Variants in CTNNA3 observed in about 807,000 individuals in gnomAD.
CTNNA3 encodes the protein catenin alpha 3.
A neutral mutation model predicts 95.7 loss-of-function variants in CTNNA3; 76 were observed. The observed-to-expected ratio is 0.79, with a 90% CI of 0.66 to 0.96. The LOEUF (loss-of-function observed/expected upper bound fraction) is 0.96, where lower values mean the gene tolerates loss of function less well. Ranked by LOEUF, CTNNA3 falls within the 40% of genes least tolerant of loss-of-function variation. CTNNA3 has a pLI of 0.00. For missense variants in CTNNA3, 1,191 were observed against 1,089.8 expected (o/e 1.09, Z -1.31); for synonymous variants, 431 against 374.4 (o/e 1.15, Z -1.74).
intron 5 of CTNNA3, among the ~76,000 whole-genome samples, chr10:67,227,665 T>C (rs935710322): frequency 1.3e-5 from 2 of 152,150 alleles, no homozygotes; most frequent in African/African-American, 2.4e-5. Context: ...AAAGGAACAA[T>C]TGATTTAAAT....
Position 65,915,339 on chromosome 10 carries a change from A to G in CTNNA3, c.*4991T>C, listed in dbSNP as rs900427457. The stretch of plus-strand genomic sequence containing the variant: ...ACCACCAAGACAAGTGTCTCATTCT[A>G]TCCTTAATACTTTCCTCAGGAGGGC... On this transcript the variant is annotated 3_prime_UTR_variant, in exon 18 of 18. Transcript: ENST00000433211. 2.0e-5 allele frequency: 3 copies of G among 151,936 alleles called. No individual in the cohort carries two copies. Among genetic ancestry groups the G allele is most frequent in the African/African-American group, 4.8e-5 (2 of 41,368 alleles). The allele number at this position is 151,936 out of a possible 1,614,324, so 9.4% of individuals were successfully genotyped here. A position where few individuals can be genotyped will look rare whatever the true frequency, so the allele number is the denominator to read the frequency against.
intron 7 of CTNNA3, among the ~76,000 whole-genome samples, chr10:67,154,137 A>G (rs1564928295): frequency 6.6e-6 from 1 of 152,184 alleles, no homozygotes; most frequent in Non-Finnish European, 1.5e-5. Flanking sequence ...AACTTTAAAC[A>G]AGCCTATACA....
At chr10:67,090,091 C>T (rs1057340062) in intron 7 of CTNNA3, among the ~76,000 whole-genome samples, 1 of 152,060 alleles carries the variant, frequency 6.6e-6, no homozygotes, top group Admixed American at 6.6e-5. Flanking sequence ...TCTAAGTCAA[C>T]ACAGGGATCT....
At chr10:66,028,704 C>G (rs7474642) in intron 15 of CTNNA3, among the ~76,000 whole-genome samples, 37,832 of 151,798 alleles carry the variant, frequency 0.25, 4,814 homozygotes, top group South Asian at 0.32. Flanking sequence ...TGTAACTAAC[C>G]TGCACATTGT....
intron 15 of CTNNA3, among the ~76,000 whole-genome samples, chr10:66,015,370 A>G (rs940351014): frequency 6.6e-6 from 1 of 152,108 alleles, no homozygotes; most frequent in East Asian, 1.9e-4. Context: ...TGTCCACATG[A>G]CCTAGGAGTG....
intron 15 of CTNNA3, among the ~76,000 whole-genome samples, chr10:66,063,829 T>A (rs1406194759): frequency 6.6e-6 from 1 of 152,122 alleles, no homozygotes; most frequent in African/African-American, 2.4e-5. Context: ...AAAATGCATA[T>A]AATGCATATA....
chr10:66,889,883 G>A (rs955964218), intron 7 of CTNNA3, among the ~76,000 whole-genome samples: 4 of 150,656 alleles, frequency 2.7e-5, no homozygotes, highest in South Asian at 2.1e-4. Flanking sequence ...CCCTGCCTCC[G>A]GGGTTCCAGC....
intron 5 of CTNNA3, among the ~76,000 whole-genome samples, chr10:67,244,953 T>G (rs555855950): frequency 6.6e-6 from 1 of 152,314 alleles, no homozygotes; most frequent in African/African-American, 2.4e-5. Context: ...GCTTCTCCCC[T>G]TCTCTCATAT....
chr10:66,042,830 G>T (rs1220988615), intron 15 of CTNNA3, among the ~76,000 whole-genome samples: 2 of 146,518 alleles, frequency 1.4e-5, no homozygotes. Context: ...AACCCAGGAG[G>T]CGGAGGTTGC....
intron 9 of CTNNA3, among the ~76,000 whole-genome samples, chr10:66,694,256 A>G (rs1408254956): frequency 7.2e-5 from 11 of 152,098 alleles, no homozygotes; most frequent in Non-Finnish European, 1.3e-4. Context: ...TCAAATAGAC[A>G]CAATAAAAAA....
intron 11 of CTNNA3, among the ~76,000 whole-genome samples, chr10:66,458,494 C>T (rs2093508984): frequency 6.6e-6 from 1 of 152,258 alleles, no homozygotes; most frequent in South Asian, 2.1e-4. Flanking sequence ...AGTGCATTCA[C>T]ATTGTTTCAC....
chr10:66,603,508 A>C (rs1844006971), intron 10 of CTNNA3, among the ~76,000 whole-genome samples: 3 of 152,164 alleles, frequency 2.0e-5, no homozygotes. Flanking sequence ...AAATGTGTCT[A>C]CTACCTAAAG....
intron 9 of CTNNA3, among the ~76,000 whole-genome samples, chr10:66,643,280 A>G (rs956093922): frequency 3.3e-5 from 5 of 152,138 alleles, no homozygotes; most frequent in African/African-American, 4.8e-5. Context: ...TTGTATACTG[A>G]TCTGAATTCA....
chr10:66,257,999 T>A (rs926916921), intron 13 of CTNNA3, among the ~76,000 whole-genome samples: 4 of 152,156 alleles, frequency 2.6e-5, no homozygotes, highest in African/African-American at 9.7e-5. Context: ...GCAAATAACT[T>A]AACTTGAACA....
At position 65,916,370 on chromosome 10, in the gene CTNNA3, G is replaced by A. The variant is rs1213105494; in HGVS notation, c.*3960C>T. ...ATTTCATTCAAATTCAGATTCTGGT[G>A]CCTGCTTTGCCAACCTAAAGAACTA... On this transcript the variant is annotated 3_prime_UTR_variant, in exon 18 of 18. Transcript: ENST00000433211. 2 of 152,072 alleles carry A rather than the reference G, an allele frequency of 1.3e-5. No individual in the cohort carries two copies. The highest frequency in any genetic ancestry group is 2.4e-5 in the African/African-American group (1 of 41,426). The allele number at this position is 152,072 out of a possible 1,614,324, so 9.4% of individuals were successfully genotyped here. A position where few individuals can be genotyped will look rare whatever the true frequency, so the allele number is the denominator to read the frequency against.
chr10:67,745,158 G>C (rs1229090986), intron 1 of CTNNA3, among the ~76,000 whole-genome samples: 1 of 151,866 alleles, frequency 6.6e-6, no homozygotes, highest in Non-Finnish European at 1.5e-5. Context: ...CCCATTACTG[G>C]GTATATACCC....
At position 66,334,593 on chromosome 10, in the gene CTNNA3, G is replaced by A. The variant is rs569970633; in HGVS notation, c.1732+44559C>T. 5.9e-5 allele frequency among the ~76,000 whole-genome samples: 9 copies of A among 152,176 alleles called. No homozygotes were observed. In the South Asian group the frequency reaches 8.3e-4, roughly 14 times the overall value. On this transcript the variant is annotated intron_variant, in intron 12 of 17. Coordinates refer to ENST00000433211, the MANE Select transcript of CTNNA3 (RefSeq NM_013266.4). ...TCTTCTGGCTTGTAGAGTTTCTGCC[G>A]AGAGGTCAGCTGTAAGTCTGATGGG...
rs544107109 is a variant in CTNNA3, at chr10:66,403,365, A to AT, written c.1532-24014dup. On this transcript the variant is annotated intron_variant, in intron 11 of 17. Coordinates refer to ENST00000433211, the MANE Select transcript of CTNNA3 (RefSeq NM_013266.4). ...GTGACCAGGTAATTGATAAAGAAGA[A>AT]TTGTAATTGACTCACAGTGCCACAT... Among the ~76,000 whole-genome samples, 48 of 152,310 alleles carry AT rather than the reference A, an allele frequency of 3.2e-4. No individual in the cohort carries two copies. The South Asian group carries it at 3.5e-3, about 11-fold the overall frequency.
intron 7 of CTNNA3, among the ~76,000 whole-genome samples, chr10:66,943,026 T>C (rs1173160366): frequency 2.0e-5 from 3 of 152,204 alleles, no homozygotes; most frequent in East Asian, 1.9e-4. Context: ...GGGCAAGGGA[T>C]ATCAGAAATT....
Sources: allele counts gnomAD v4.1 joint callset (sites outside exome capture counted in the v4.1 genomes callset), GRCh38; gene constraint gnomAD v4.1.1; transcripts MANE v1.5; gene names NCBI Gene and HGNC (gene_info 2026-07-23, HGNC 2026-07-21).